Variants in C9orf85 observed in about 807,000 individuals in gnomAD.
C9orf85 encodes the protein uncharacterized protein C9orf85.
A neutral mutation model predicts 14.9 loss-of-function variants in C9orf85; 16 were observed. The observed-to-expected ratio is 1.08, with a 90% CI of 0.73 to 1.63. The LOEUF is 1.63. Ranked by LOEUF, C9orf85 falls within the 40% of genes most tolerant of loss-of-function variation. The pLI is 0.00. For synonymous variants in C9orf85, 45 were observed against 56.8 expected (o/e 0.79, Z 0.93); for missense variants, 172 against 186.1 (o/e 0.92, Z 0.44).
At chr9:71,984,633 G>A (rs1384029299), downstream of C9orf85, 1 of 152,276 alleles carries the variant, frequency 6.6e-6, no homozygotes, top group African/African-American at 2.4e-5. Flanking sequence ...ATAGCTAGGA[G>A]GACAGGCTCA....
At chr9:71,925,163 T>A (rs1265428460) in intron 1 of C9orf85, among the ~76,000 whole-genome samples, 1 of 152,196 alleles carries the variant, frequency 6.6e-6, no homozygotes, top group Non-Finnish European at 1.5e-5. Context: ...GTAAGAAAAG[T>A]CAGTCAAATT....
chr9:71,952,033 TTCCTC>T (rs1822256409), intron 2 of C9orf85, among the ~76,000 whole-genome samples: 2 of 152,180 alleles, frequency 1.3e-5, no homozygotes, highest in South Asian at 2.1e-4. Flanking sequence ...TTTTGTCCCT[TTCCTC>T]AAGCAGTGCA....
chr9:71,942,968 G>A (rs1006879036), intron 1 of C9orf85, among the ~76,000 whole-genome samples: 5 of 151,382 alleles, frequency 3.3e-5, no homozygotes, highest in Admixed American at 1.3e-4. Flanking sequence ...TATTAGTCAC[G>A]TGAGTTCTTG....
Position 71,972,702 on chromosome 9 carries a change from G to A in C9orf85, c.334G>A (p.Glu112Lys), listed in dbSNP as rs750957833. Residue 112 changes from glutamate to lysine, a missense_variant, in exon 4 of 4, where the codon GAA becomes AAA. Physicochemically the swap from Glu to Lys is moderately conservative, Grantham distance 56. Transcript: ENST00000334731. ...KEDIVIPLNKETEKIEHTENN... is the reference protein window; with the variant it reads ...KEDIVIPLNKKTEKIEHTENN... ...TTCTTTCATCTTTAGGTTGAATAAA[G>A]AAACAGAAAAAATAGAACATACTGA... The A allele has an allele frequency of 6.3e-7, 1 of 1,576,026 alleles. No individual in the cohort carries two copies. Among genetic ancestry groups the A allele is most frequent in the Admixed American group, 1.8e-5 (1 of 55,400 alleles).
chr9:71,981,010 A>C (rs1823087268), intron 3 of C9orf85, among the ~76,000 whole-genome samples: 1 of 152,206 alleles, frequency 6.6e-6, no homozygotes, highest in South Asian at 2.1e-4. Flanking sequence ...GTAATGCTGG[A>C]AATGCTTAAT....
chr9:71,956,545 G>A (rs572001153), intron 2 of C9orf85, among the ~76,000 whole-genome samples: 7 of 151,946 alleles, frequency 4.6e-5, no homozygotes, highest in African/African-American at 9.7e-5. Flanking sequence ...CACTGCACCC[G>A]GCCCACAAAA....
chr9:71,941,348 A>G (rs1219914789), intron 1 of C9orf85, among the ~76,000 whole-genome samples: 1 of 152,168 alleles, frequency 6.6e-6, no homozygotes, highest in Non-Finnish European at 1.5e-5. Context: ...ACCTTAAGCA[A>G]GTTATCAAAT....
At chr9:71,963,825 CT>C (rs1822601931) in intron 2 of C9orf85, among the ~76,000 whole-genome samples, 2 of 152,204 alleles carry the variant, frequency 1.3e-5, no homozygotes, top group Non-Finnish European at 2.9e-5. Flanking sequence ...CCTCCCACCC[CT>C]CCCTGGACTC....
chr9:71,962,980 CG>C (rs1564097688), intron 2 of C9orf85, among the ~76,000 whole-genome samples: 1 of 151,930 alleles, frequency 6.6e-6, no homozygotes, highest in African/African-American at 2.4e-5. Context: ...CACTTGAACC[CG>C]GGAAGTGGAG....
chr9:71,927,332 A>G (rs1252552976), intron 1 of C9orf85, among the ~76,000 whole-genome samples: 1 of 151,990 alleles, frequency 6.6e-6, no homozygotes, highest in Non-Finnish European at 1.5e-5. Context: ...ATGCGAGAGA[A>G]GAAACTGATG....
At chr9:71,934,651 T>C (rs1828147551) in intron 1 of C9orf85, among the ~76,000 whole-genome samples, 1 of 152,016 alleles carries the variant, frequency 6.6e-6, no homozygotes, top group South Asian at 2.1e-4. Context: ...GGTGGATCAC[T>C]TGAGCCCAGG....
In C9orf85 at chr9:71,968,246, A is replaced by G. The variant is rs146767612; in HGVS notation, c.210-3259A>G. On this transcript the variant is annotated intron_variant, in intron 2 of 3. Transcript: ENST00000334731. Reference sequence around the variant, plus strand: ...ACATCTTTGTTCATTAGAAATACTCATCTGTCATTTTCTTGTTTGCTTTTT... The same window carrying G: ...ACATCTTTGTTCATTAGAAATACTCGTCTGTCATTTTCTTGTTTGCTTTTT... Among the ~76,000 whole-genome samples the G allele has an allele frequency of 3.7e-3, 559 of 151,792 alleles. 3 individuals carry two copies. The highest frequency in any genetic ancestry group is 0.013 in the African/African-American group (519 of 41,452).
chr9:71,937,454 A>T (rs1828218080), intron 1 of C9orf85, among the ~76,000 whole-genome samples: 1 of 151,504 alleles, frequency 6.6e-6, no homozygotes, highest in Non-Finnish European at 1.5e-5. Flanking sequence ...CTCATTTTAT[A>T]TTCAGTCTTT....
At chr9:71,975,623 G>A (rs1275630610), downstream of C9orf85, among the ~76,000 whole-genome samples, 1 of 151,982 alleles carries the variant, frequency 6.6e-6, no homozygotes. Flanking sequence ...ACCTGAGGTC[G>A]GGAGTTCGAG....
Position 71,959,813 on chromosome 9 carries a change from T to C in C9orf85, c.210-11692T>C, listed in dbSNP as rs1209807611. ...AGAACAAAATTGTCTCTAGGAACAGTCCATGGTTATATTGGGGAATAATAT... is the reference window on the plus strand; with the variant it reads ...AGAACAAAATTGTCTCTAGGAACAGCCCATGGTTATATTGGGGAATAATAT... On this transcript the variant is annotated intron_variant, in intron 2 of 3. Coordinates refer to ENST00000334731, the MANE Select transcript of C9orf85 (RefSeq NM_182505.5). Among the ~76,000 whole-genome samples the C allele has an allele frequency of 2.0e-5, 3 of 152,276 alleles. No homozygotes were observed. The East Asian group carries it at 5.8e-4, about 29-fold the overall frequency.
rs553378943 is a variant in C9orf85, at chr9:71,969,292, C to T, written c.210-2213C>T. 8.3e-4 allele frequency among the ~76,000 whole-genome samples: 126 copies of T among 152,126 alleles called. 1 individual carries two copies. Among genetic ancestry groups the T allele is most frequent in the African/African-American group, 3.0e-3 (126 of 41,502 alleles). ...GCCTCCCAAGTAGCTGGGATTACACCACCATGCCCAGCTAATTTTTTGTAT... is the reference window on the plus strand; with the variant it reads ...GCCTCCCAAGTAGCTGGGATTACACTACCATGCCCAGCTAATTTTTTGTAT... On this transcript the variant is annotated intron_variant, in intron 2 of 3. Transcript: ENST00000334731.
At chr9:71,921,928 T>TA (rs1554705989) in intron 1 of C9orf85, among the ~76,000 whole-genome samples, 2,078 of 113,852 alleles carry the variant, frequency 0.018, 52 homozygotes, top group African/African-American at 0.055. Flanking sequence ...TTATTTTTTT[T>TA]TTATTATTAT....
chr9:71,976,681 T>A (rs1218156689), downstream of C9orf85, among the ~76,000 whole-genome samples: 1 of 151,150 alleles, frequency 6.6e-6, no homozygotes, highest in Non-Finnish European at 1.5e-5. Flanking sequence ...AAAAAAATTC[T>A]TATTCCTGGG....
intron 1 of C9orf85, among the ~76,000 whole-genome samples, chr9:71,935,142 C>T (rs1317484948): frequency 6.6e-6 from 1 of 152,102 alleles, no homozygotes; most frequent in Non-Finnish European, 1.5e-5. Flanking sequence ...AAATTGGAAC[C>T]TTTGTTTATT....
Sources: allele counts gnomAD v4.1 joint callset (sites outside exome capture counted in the v4.1 genomes callset), GRCh38; gene constraint gnomAD v4.1.1; transcripts MANE v1.5; gene names NCBI Gene and HGNC (gene_info 2026-07-23, HGNC 2026-07-21).